The following SLC24A2 variants were observed in gnomAD, a reference collection of about 807,000 sequenced individuals.
The protein encoded by SLC24A2 is solute carrier family 24 member 2, also known as sodium/potassium/calcium exchanger 2.
Under a neutral mutation model 62.0 loss-of-function variants are expected in SLC24A2, and 36 were observed. The ratio of observed to expected loss-of-function variants is 0.58; its 90% CI spans 0.44 to 0.77. SLC24A2 has a LOEUF of 0.77. SLC24A2 is among the 30% of genes least tolerant of loss of function. The pLI is 0.00. For missense variants in SLC24A2, 846 were observed against 817.9 expected (o/e 1.03, Z -0.42); for synonymous variants, 358 against 294.0 (o/e 1.22, Z -2.23).
At chr9:19,768,940 G>A (rs148632817) in intron 2 of SLC24A2, among the ~76,000 whole-genome samples, 4 of 152,074 alleles carry the variant, frequency 2.6e-5, no homozygotes, top group Non-Finnish European at 5.9e-5. Flanking sequence ...GTTCTTCCCT[G>A]CTACATTCAT....
the SLC24A2 span, among the ~76,000 whole-genome samples, chr9:19,856,614 G>C: frequency 2.6e-5 from 4 of 152,156 alleles, no homozygotes; most frequent in African/African-American, 7.2e-5. Flanking sequence ...TGCACTGGGA[G>C]GTGTCACCAG....
the SLC24A2 span, among the ~76,000 whole-genome samples, chr9:19,866,187 A>C: frequency 6.6e-6 from 1 of 152,358 alleles, no homozygotes; most frequent in Non-Finnish European, 1.5e-5. Context: ...TATAGCCAAA[A>C]GACAGGCAAT....
the SLC24A2 span, among the ~76,000 whole-genome samples, chr9:20,094,220 G>T: frequency 6.6e-6 from 1 of 152,136 alleles, no homozygotes; most frequent in East Asian, 1.9e-4. Context: ...CATCACAGAA[G>T]AATGACTATC....
intron 7 of SLC24A2, among the ~76,000 whole-genome samples, chr9:19,555,287 C>G (rs1032303131): frequency 2.0e-5 from 3 of 152,174 alleles, no homozygotes; most frequent in Non-Finnish European, 4.4e-5. Flanking sequence ...AAACAGCTCT[C>G]AAATCTCAGC....
chr9:20,250,838 C>A, the SLC24A2 span, among the ~76,000 whole-genome samples: 1 of 152,192 alleles, frequency 6.6e-6, no homozygotes, highest in South Asian at 2.1e-4. Flanking sequence ...CATACACCAT[C>A]AGTTTGCAAC....
the SLC24A2 span, among the ~76,000 whole-genome samples, chr9:20,233,197 A>G: frequency 1.3e-5 from 2 of 152,168 alleles, no homozygotes; most frequent in Non-Finnish European, 2.9e-5. Context: ...AAGAATGTAT[A>G]TTCTGTTGAT....
the SLC24A2 span, among the ~76,000 whole-genome samples, chr9:20,032,360 A>T: frequency 6.6e-6 from 1 of 152,222 alleles, no homozygotes; most frequent in Non-Finnish European, 1.5e-5. Flanking sequence ...CAGGGAAAAG[A>T]AGGATGATGA....
intron 8 of SLC24A2, among the ~76,000 whole-genome samples, chr9:19,544,243 T>C (rs1196260624): frequency 7.3e-6 from 1 of 137,808 alleles, no homozygotes; most frequent in Non-Finnish European, 1.5e-5. Context: ...GAGACTAGGA[T>C]TGCAACCCCT....
chr9:20,075,469 A>G, the SLC24A2 span, among the ~76,000 whole-genome samples: 28 of 152,236 alleles, frequency 1.8e-4, no homozygotes, highest in East Asian at 4.4e-3. Flanking sequence ...CATCACCCCT[A>G]ACTTGTGGAT....
the SLC24A2 span, among the ~76,000 whole-genome samples, chr9:20,269,099 G>C: frequency 6.6e-6 from 1 of 152,174 alleles, no homozygotes; most frequent in Non-Finnish European, 1.5e-5. Flanking sequence ...ATTTCAGGGG[G>C]TGGGGAGTTA....
chr9:19,555,119 C>A (rs981689963), intron 7 of SLC24A2, among the ~76,000 whole-genome samples: 1 of 152,176 alleles, frequency 6.6e-6, no homozygotes, highest in East Asian at 1.9e-4. Context: ...GCACCCACTT[C>A]ACATCACAAT....
the SLC24A2 span, among the ~76,000 whole-genome samples, chr9:20,194,351 C>T: frequency 2.0e-5 from 3 of 152,110 alleles, no homozygotes; most frequent in Non-Finnish European, 4.4e-5. Context: ...ATCCATTTGA[C>T]TGAAGCCCGA....
At chr9:19,904,416 T>A in the SLC24A2 span, among the ~76,000 whole-genome samples, 1 of 152,192 alleles carries the variant, frequency 6.6e-6, no homozygotes, top group Non-Finnish European at 1.5e-5. Context: ...CCAAGAATTA[T>A]ACAGAGACTC....
the SLC24A2 span, among the ~76,000 whole-genome samples, chr9:20,259,267 A>G: frequency 6.6e-6 from 1 of 152,222 alleles, no homozygotes. Flanking sequence ...TTGTAAGATT[A>G]AAAGATTATG....
At chr9:20,306,060 A>G in the SLC24A2 span, among the ~76,000 whole-genome samples, 2 of 152,156 alleles carry the variant, frequency 1.3e-5, no homozygotes, top group African/African-American at 2.4e-5. Flanking sequence ...TAAAGACCCT[A>G]TCTCCAAACA....
chr9:19,519,193 G>T lies in SLC24A2; in HGVS notation c.1736+1701C>A, dbSNP rs75775441. Among the ~76,000 whole-genome samples, 108 of 152,282 alleles carry T rather than the reference G, an allele frequency of 7.1e-4. 2 individuals carry two copies. The East Asian group carries it at 0.017, about 24-fold the overall frequency. On this transcript the variant is annotated intron_variant, in intron 10 of 10. Transcript: ENST00000341998. ...TAGATGCCTCTCTATGCCAGGCATA[G>T]ATTGCTTTAAAATGGAAAAATAAAA... is the stretch of plus-strand genomic sequence containing the variant.
chr9:19,701,575 C>T (rs550796435), intron 2 of SLC24A2, among the ~76,000 whole-genome samples: 16 of 152,204 alleles, frequency 1.1e-4, no homozygotes, highest in African/African-American at 2.6e-4. Context: ...TTCTGGAGGC[C>T]GTAAGTTTGA....
chr9:19,611,875 C>A (rs1206851042), intron 4 of SLC24A2, among the ~76,000 whole-genome samples: 2 of 152,108 alleles, frequency 1.3e-5, no homozygotes, highest in Non-Finnish European at 2.9e-5. Flanking sequence ...AAATAGATTT[C>A]CCCAAATCGA....
At chr9:19,965,522 G>A in the SLC24A2 span, among the ~76,000 whole-genome samples, 3 of 152,202 alleles carry the variant, frequency 2.0e-5, no homozygotes, top group Non-Finnish European at 4.4e-5. Flanking sequence ...CGTGGTGTGT[G>A]TGATGCGTAG....
Sources: gnomAD v4.1 joint callset for allele counts (sites outside exome capture counted in the v4.1 genomes callset) on GRCh38, gnomAD v4.1.1 for gene constraint, MANE v1.5 for transcripts, NCBI Gene and HGNC (gene_info 2026-07-23, HGNC 2026-07-21) for gene names.